SLC6A9: variants seen among roughly 807,000 people sequenced by gnomAD.
SLC6A9 encodes sodium- and chloride-dependent glycine transporter 1.
A neutral mutation model predicts 70.9 loss-of-function variants in SLC6A9; 31 were observed. That is an observed-to-expected ratio of 0.44 (90% CI 0.33 to 0.59). The LOEUF is 0.59. SLC6A9 is among the 20% of genes least tolerant of loss of function. The pLI, the probability that SLC6A9 is intolerant of heterozygous loss-of-function variation, is 0.04. For missense variants in SLC6A9, 631 were observed against 845.2 expected (o/e 0.75, Z 3.14); for synonymous variants, 310 against 341.3 (o/e 0.91, Z 1.01).
Position 43,998,067 on chromosome 1 carries a change from G to C in SLC6A9, c.1537-42C>G, listed in dbSNP as rs769441792. 5.1e-6 allele frequency: 8 copies of C among 1,560,544 alleles called. No homozygotes were observed. The African/African-American group carries it at 9.5e-5, about 18-fold the overall frequency. ...TGGGAGTGGGCGTGAGGCCGACCCA[G>C]AGCCCAGACCCCAGGCCATCCCTCT... On this transcript the variant is annotated intron_variant, in intron 12 of 13. Coordinates refer to ENST00000372310, the MANE Select transcript of SLC6A9 (RefSeq NM_001024845.3).
At chr1:44,012,259 T>C (rs1240163043) in intron 2 of SLC6A9, among the ~76,000 whole-genome samples, 2 of 152,192 alleles carry the variant, frequency 1.3e-5, no homozygotes, top group Admixed American at 1.3e-4. Context: ...ACAGACGGAA[T>C]GAATGGCCTC....
intron 1 of SLC6A9, among the ~76,000 whole-genome samples, chr1:44,027,086 G>A (rs1442213560): frequency 6.6e-6 from 1 of 152,134 alleles, no homozygotes; most frequent in African/African-American, 2.4e-5. Context: ...AACACCAACT[G>A]ATTGCCCGTG....
At position 44,031,022 on chromosome 1, in the gene SLC6A9, C is replaced by G. The variant is rs983538516; in HGVS notation, c.-86+284G>C. On this transcript the variant is annotated intron_variant, in intron 1 of 13. Coordinates refer to ENST00000372310, the MANE Select transcript of SLC6A9 (RefSeq NM_001024845.3). ...CGCCACCCCACGCAGGAGCTCCCCC[C>G]ACTTCCCTCTCCCTCCCGCTTCAGC... 4.6e-5 allele frequency among the ~76,000 whole-genome samples: 7 copies of G among 152,072 alleles called. No homozygotes were observed. The East Asian group carries it at 1.4e-3, about 30-fold the overall frequency.
At chr1:43,998,569 G>C (rs540726511) in intron 12 of SLC6A9, among the ~76,000 whole-genome samples, 3 of 152,222 alleles carry the variant, frequency 2.0e-5, no homozygotes, top group Admixed American at 6.5e-5. Context: ...CCTTCTGCAG[G>C]GCCTCCCCAC....
rs112411017 is a variant in SLC6A9, at chr1:44,000,895, G to T, written c.1436-28C>A. On this transcript the variant is annotated intron_variant, in intron 11 of 13. Transcript: ENST00000372310. ...GGAGAGATGGGGGGTCAGCAGACCCGCAGGACAGAGTGGGCGGGCCAAGGG... is the reference window on the plus strand; with the variant it reads ...GGAGAGATGGGGGGTCAGCAGACCCTCAGGACAGAGTGGGCGGGCCAAGGG... The T allele has an allele frequency of 5.0e-6, 8 of 1,593,142 alleles. No individual in the cohort carries two copies. The South Asian group carries it at 7.9e-5, about 16-fold the overall frequency.
chr1:43,998,885 T>C (rs531620192), intron 12 of SLC6A9, among the ~76,000 whole-genome samples: 5 of 146,100 alleles, frequency 3.4e-5, no homozygotes, highest in African/African-American at 1.0e-4. Context: ...ATGAGTGAGA[T>C]TGGAAATAAA....
intron 12 of SLC6A9, among the ~76,000 whole-genome samples, chr1:43,999,516 A>C (rs1355579421): frequency 6.6e-6 from 1 of 152,016 alleles, no homozygotes; most frequent in African/African-American, 2.4e-5. Flanking sequence ...TGAGCCGCAG[A>C]GGCTGAGCTC....
Position 44,002,835 on chromosome 1 carries a change from CTG to C in SLC6A9, c.723+16_723+17del. On this transcript the variant is annotated intron_variant, in intron 6 of 13. Coordinates refer to ENST00000372310, the MANE Select transcript of SLC6A9 (RefSeq NM_001024845.3). This position sits in a 1 kb window ranked among gnomAD's most constrained non-coding sequence, Gnocchi z 5.5. Reference sequence around the variant, plus strand: ...TCTTTCTGGGTGGGCACAGACCCTGCTGGGGAGGGGTACTTGCTTTCCCTGAA... The same window carrying C: ...TCTTTCTGGGTGGGCACAGACCCTGCGGGAGGGGTACTTGCTTTCCCTGAA... 6.2e-7 allele frequency: 1 copy of C among 1,613,910 alleles called. No homozygotes were observed. The highest frequency in any genetic ancestry group is 2.2e-5 in the East Asian group (1 of 44,886).
In SLC6A9 at chr1:44,001,146, C is replaced by T. The variant is rs1269914866; in HGVS notation, c.1335+18G>A. 1 of 1,614,226 alleles carries T rather than the reference C, an allele frequency of 6.2e-7. No individual in the cohort carries two copies. Among genetic ancestry groups the T allele is most frequent in the East Asian group, 2.2e-5 (1 of 44,890 alleles). ...TCCTGGCAACTCTGGGCCAGCCCTTCCCTTACGCAGCTCTTACCTGGCTGG... is the reference window on the plus strand; with the variant it reads ...TCCTGGCAACTCTGGGCCAGCCCTTTCCTTACGCAGCTCTTACCTGGCTGG... On this transcript the variant is annotated intron_variant, in intron 10 of 13. Transcript: ENST00000372310.
chr1:44,030,823 G>C (rs1353199933), intron 1 of SLC6A9, among the ~76,000 whole-genome samples: 1 of 152,146 alleles, frequency 6.6e-6, no homozygotes, highest in Non-Finnish European at 1.5e-5. Context: ...AGAGGCGATG[G>C]AGCGAGCGGG....
At chr1:44,027,185 G>T (rs1270996385) in intron 1 of SLC6A9, among the ~76,000 whole-genome samples, 1 of 152,120 alleles carries the variant, frequency 6.6e-6, no homozygotes, top group Non-Finnish European at 1.5e-5. Flanking sequence ...TTGACAAGCA[G>T]TAGTGGGTCA....
At chr1:44,000,742 G>A (rs1164269570) in intron 12 of SLC6A9, 25 bp downstream of exon 12, 1 of 1,488,402 alleles carries the variant, frequency 6.7e-7, no homozygotes, top group Non-Finnish European at 9.3e-7. Context: ...AGCGGGGGAA[G>A]GGAGGGGCCG....
At chr1:44,026,359 A>G (rs1242336520) in intron 1 of SLC6A9, among the ~76,000 whole-genome samples, 1 of 152,218 alleles carries the variant, frequency 6.6e-6, no homozygotes. Flanking sequence ...AGCAGATGGC[A>G]TTAGAAAGAG....
rs2085871290 is a variant in SLC6A9, at chr1:43,996,644, G to A, written c.*901C>T. 1.9e-5 allele frequency: 3 copies of A among 158,012 alleles called. No individual in the cohort carries two copies. In the Admixed American group the frequency reaches 1.9e-4, roughly 10 times the overall value. 9.8% of individuals were successfully genotyped at this position (158,012 alleles called of 1,614,324 possible). ...GAGGACGGACAAATGAACACTTCAG[G>A]GATTCAGACACTTCAGAAGGGGCTC... is the stretch of plus-strand genomic sequence containing the variant. On this transcript the variant is annotated 3_prime_UTR_variant, in exon 14 of 14. Coordinates refer to ENST00000372310, the MANE Select transcript of SLC6A9 (RefSeq NM_001024845.3).
chr1:44,026,621 T>C (rs545128492), intron 1 of SLC6A9, among the ~76,000 whole-genome samples: 1 of 151,128 alleles, frequency 6.6e-6, no homozygotes, highest in Admixed American at 6.6e-5. Context: ...ATCACACCAC[T>C]GTACTCCAGC....
At chr1:44,024,383 G>T (rs200567305) in intron 1 of SLC6A9, 21 bp from the exon 2 acceptor site, 3 of 1,439,396 alleles carry the variant, frequency 2.1e-6, no homozygotes, top group African/African-American at 2.8e-5. Context: ...AGCAGAGGGT[G>T]AGGTGAGGAC....
intron 8 of SLC6A9, 22 bp from the exon 9 acceptor site, chr1:44,001,649 T>C: frequency 6.3e-7 from 1 of 1,577,280 alleles, no homozygotes; most frequent in Non-Finnish European, 8.7e-7. Context: ...GAAAACAGAG[T>C]TCAGCTTCCC....
chr1:44,002,509 C>G lies in SLC6A9; in HGVS notation c.858+3G>C. On this transcript the variant is annotated splice_donor_region_variant and intron_variant, in intron 7 of 13. Coordinates refer to ENST00000372310, the MANE Select transcript of SLC6A9 (RefSeq NM_001024845.3). The surrounding 1 kb of genome is among the most constrained non-coding windows in gnomAD (Gnocchi z 5.5). ...CCCCCTTCCGGTTTCCCTCACTTCC[C>G]ACCTTGGCCTCCAGGATCTTGTCCC... is the stretch of plus-strand genomic sequence containing the variant. The G allele has an allele frequency of 6.2e-7, 1 of 1,614,158 alleles. No individual in the cohort carries two copies. The highest frequency in any genetic ancestry group is 8.5e-7 in the Non-Finnish European group (1 of 1,180,014).
rs924471674 is a variant in SLC6A9 at position 44,024,334 on chromosome 1, A to G, written c.-57T>C. On this transcript the variant is annotated 5_prime_UTR_variant, in exon 2 of 14. Coordinates refer to ENST00000372310, the MANE Select transcript of SLC6A9 (RefSeq NM_001024845.3). The stretch of plus-strand genomic sequence containing the variant: ...GACCACACTCACAGGCTCTGCTTCC[A>G]GCGCCTTTCAGGCCACAGATCTCAA... The G allele has an allele frequency of 1.9e-5, 31 of 1,602,392 alleles. No individual in the cohort carries two copies. Among genetic ancestry groups the G allele is most frequent in the Non-Finnish European group, 2.3e-5 (27 of 1,169,480 alleles).
Sources: gnomAD v4.1 joint callset for allele counts (sites outside exome capture counted in the v4.1 genomes callset) on GRCh38, gnomAD v4.1.1 for gene constraint, Gnocchi (gnomAD v3.1) non-coding constraint, MANE v1.5 for transcripts, NCBI Gene and HGNC (gene_info 2026-07-23, HGNC 2026-07-21) for gene names.